The following DSCC1 variants were observed in gnomAD, a reference collection of about 807,000 sequenced individuals.
The protein encoded by DSCC1 is sister chromatid cohesion protein DCC1.
A neutral mutation model predicts 48.2 loss-of-function variants in DSCC1; 32 were observed. The ratio of observed to expected loss-of-function variants is 0.66; its 90% CI spans 0.50 to 0.89. The LOEUF (loss-of-function observed/expected upper bound fraction) is 0.89, where lower values mean the gene tolerates loss of function less well. DSCC1 is among the 40% of genes least tolerant of loss of function. The pLI is 0.00. For synonymous variants in DSCC1, 150 were observed against 171.5 expected (o/e 0.87, Z 0.98); for missense variants, 421 against 471.7 (o/e 0.89, Z 1.00).
In DSCC1 at chr8:119,838,411, C is replaced by A. The variant is rs756559424; in HGVS notation, c.925-4G>T. Reference sequence around the variant, plus strand: ...GTCTATCCACCAGCGCTAAACCCTACAAGAAATGAGAAGAAACAGAGCAGT... The same window carrying A: ...GTCTATCCACCAGCGCTAAACCCTAAAAGAAATGAGAAGAAACAGAGCAGT... On this transcript the variant is annotated splice_polypyrimidine_tract_variant and splice_region_variant and intron_variant, in intron 7 of 8. Transcript: ENST00000313655. 1.9e-6 allele frequency: 3 copies of A among 1,567,882 alleles called. No individual in the cohort carries two copies. The highest frequency in any genetic ancestry group is 1.2e-5 in the South Asian group (1 of 81,156).
chr8:119,854,818 C>G (rs1330980963), intron 1 of DSCC1, among the ~76,000 whole-genome samples: 1 of 152,176 alleles, frequency 6.6e-6, no homozygotes, highest in Non-Finnish European at 1.5e-5. Flanking sequence ...TAGCAGGTAT[C>G]TGAAGAATGG....
chr8:119,843,123 T>A (rs2048237), intron 5 of DSCC1, among the ~76,000 whole-genome samples: 61,742 of 146,310 alleles, frequency 0.42, 12,847 homozygotes, highest in South Asian at 0.58. Context: ...TATTTTATTT[T>A]TTTTTTTTTT....
In DSCC1 at chr8:119,843,640, A is replaced by G; in HGVS notation, c.685T>C (p.Cys229Arg). 1 of 1,613,638 alleles carries G rather than the reference A, an allele frequency of 6.2e-7. No individual in the cohort carries two copies. The highest frequency in any genetic ancestry group is 8.5e-7 in the Non-Finnish European group (1 of 1,179,946). The change falls in exon 5 of 9, where the codon TGC becomes CGC. Residue 229 changes from cysteine to arginine, a missense_variant. Coordinates refer to ENST00000313655, the MANE Select transcript of DSCC1 (RefSeq NM_024094.3). ...TCCAATGGTCCGAGTTCCTGAAGGC[A>G]TGTGTTCAAAGGAACTTTACCAAAA... ...WSFGKVPLNT[C>R]LQELGPLEPE...
Position 119,838,269 on chromosome 8 carries a change from G to A in DSCC1, c.1063C>T (p.Pro355Ser). Residue 355 changes from proline to serine, a missense_variant, in exon 8 of 9, where the codon CCA becomes TCA. Around this residue, in one of 3 missense-constraint regions of DSCC1, gnomAD observed 238 missense variants for 259.0 expected, o/e 0.92. Transcript: ENST00000313655. ...REKWTEEDIA[P>S]YIQDLCGEKQ... ...TAATAAATTACTTACTGAATATATG[G>A]AGCAATATCTTCTTCTGTCCACTTC... The A allele has an allele frequency of 2.5e-6, 4 of 1,588,538 alleles. No homozygotes were observed. The highest frequency in any genetic ancestry group is 1.8e-5 in the Admixed American group (1 of 54,206).
intron 8 of DSCC1, among the ~76,000 whole-genome samples, chr8:119,835,803 G>C (rs1324213782): frequency 6.6e-6 from 1 of 152,154 alleles, no homozygotes; most frequent in African/African-American, 2.4e-5. Flanking sequence ...CTGAACTTTG[G>C]TTTCCTCTTC....
At chr8:119,840,539 A>G (rs547613322) in intron 7 of DSCC1, among the ~76,000 whole-genome samples, 2 of 152,374 alleles carry the variant, frequency 1.3e-5, no homozygotes, top group South Asian at 2.1e-4. Flanking sequence ...AGATGAAGCT[A>G]TGAAGGTGAT....
At chr8:119,845,439 T>A (rs966594768) in intron 4 of DSCC1, among the ~76,000 whole-genome samples, 10 of 152,146 alleles carry the variant, frequency 6.6e-5, no homozygotes, top group Non-Finnish European at 1.2e-4. Context: ...GAAAGAAAAG[T>A]ATACATCCAC....
intron 1 of DSCC1, 102 bp downstream of exon 1, chr8:119,855,512 G>C: frequency 7.0e-7 from 1 of 1,419,846 alleles, no homozygotes; most frequent in African/African-American, 1.5e-5. Flanking sequence ...CCCCGGCCAG[G>C]TCAGTGCATC....
chr8:119,846,964 G>T, intron 4 of DSCC1, 26 bp downstream of exon 4: 2 of 1,603,646 alleles, frequency 1.2e-6, no homozygotes, highest in Middle Eastern at 3.3e-4. Flanking sequence ...TTTCATCATT[G>T]TTAAAATAGT....
intron 8 of DSCC1, among the ~76,000 whole-genome samples, 188 bp from the exon 9 acceptor site, chr8:119,835,189 A>T (rs1292640913): frequency 6.6e-6 from 1 of 152,160 alleles, no homozygotes; most frequent in Non-Finnish European, 1.5e-5. Flanking sequence ...CATTATATGT[A>T]TTGTCTCATT....
intron 3 of DSCC1, among the ~76,000 whole-genome samples, chr8:119,847,991 T>A (rs77524699): frequency 0.011 from 265 of 24,434 alleles, 1 homozygote; most frequent in African/African-American, 0.099. Context: ...TTTGTTTTTT[T>A]TAAATACAGA....
intron 4 of DSCC1, among the ~76,000 whole-genome samples, chr8:119,845,087 A>ATTTG (rs1563945098): frequency 6.9e-6 from 1 of 145,032 alleles, no homozygotes; most frequent in African/African-American, 2.5e-5. Context: ...TTATTTATTT[A>ATTTG]TTTATTTATT....
intron 4 of DSCC1, among the ~76,000 whole-genome samples, chr8:119,845,653 A>C (rs1826845617): frequency 6.6e-6 from 1 of 151,846 alleles, no homozygotes; most frequent in South Asian, 2.1e-4. Context: ...CTTTAAAAAA[A>C]AAAAAAGCTT....
chr8:119,838,081 C>T (rs954901285), intron 8 of DSCC1, among the ~76,000 whole-genome samples, 178 bp downstream of exon 8: 1 of 152,108 alleles, frequency 6.6e-6, no homozygotes, highest in African/African-American at 2.4e-5. Flanking sequence ...ACATATTCCA[C>T]CTCCAGAAGC....
At chr8:119,836,653 G>A (rs1826689176) in intron 8 of DSCC1, among the ~76,000 whole-genome samples, 1 of 152,072 alleles carries the variant, frequency 6.6e-6, no homozygotes, top group African/African-American at 2.4e-5. Context: ...ATTCCTATTG[G>A]ATATCCAACT....
intron 4 of DSCC1, 54 bp from the exon 5 acceptor site, chr8:119,843,801 G>T (rs1826810795): frequency 9.7e-6 from 15 of 1,549,476 alleles, no homozygotes; most frequent in Non-Finnish European, 1.3e-5. Flanking sequence ...TTTAAGGCAG[G>T]GTCTCAACTC....
chr8:119,846,113 CTTT>C (rs531156237), intron 4 of DSCC1, among the ~76,000 whole-genome samples: 79 of 117,512 alleles, frequency 6.7e-4, no homozygotes, highest in African/African-American at 1.6e-3. Context: ...TGTCTAAGGA[CTTT>C]TTTTTTTTTT....
intron 7 of DSCC1, chr8:119,840,199 A>G (rs1431592475): frequency 6.6e-6 from 1 of 152,270 alleles, no homozygotes; most frequent in Non-Finnish European, 1.5e-5. Context: ...AGTATGCTAC[A>G]TACTAGCAAG....
In DSCC1 at chr8:119,843,671, T is replaced by C. The variant is rs1298409966; in HGVS notation, c.654A>G (p.Ser218=). The change falls in exon 5 of 9, where the codon TCA becomes TCG. Residue 218 remains serine (S), a synonymous_variant. Coordinates refer to ENST00000313655, the MANE Select transcript of DSCC1 (RefSeq NM_024094.3). ...NHVTQLVDSE[S]WSFGKVPLNT... is the part of the protein sequence containing the mutation. ...TCAAAGGAACTTTACCAAAAGACCA[T>C]GATTCAGAATCCACAAGCTGAGTTA... 6.2e-7 allele frequency: 1 copy of C among 1,614,150 alleles called. No homozygotes were observed. The highest frequency in any genetic ancestry group is 1.1e-5 in the South Asian group (1 of 91,058).
Sources: gnomAD v4.1 joint callset for allele counts (sites outside exome capture counted in the v4.1 genomes callset) on GRCh38, gnomAD v4.1.1 for gene constraint, gnomAD v4.1.1 regional missense constraint, MANE v1.5 for transcripts, NCBI Gene and HGNC (gene_info 2026-07-23, HGNC 2026-07-21) for gene names.